Variants in KIF19 observed in about 807,000 individuals in gnomAD.
KIF19 encodes kinesin family member 19.
A neutral mutation model predicts 106.6 loss-of-function variants in KIF19; 98 were observed. That is an observed-to-expected ratio of 0.92 (90% CI 0.78 to 1.09). The LOEUF (loss-of-function observed/expected upper bound fraction) is 1.09, where lower values mean the gene tolerates loss of function less well. KIF19 is among the 50% of genes least tolerant of loss of function. The probability of loss-of-function intolerance (pLI) is 0.00; values close to 1 mark genes in which losing one functional copy is unlikely to be tolerated. For synonymous variants in KIF19, 516 were observed against 584.2 expected (o/e 0.88, Z 1.68); for missense variants, 1,373 against 1,414.3 (o/e 0.97, Z 0.47).
intron 9 of KIF19, 48 bp downstream of exon 9, chr17:74,347,947 A>G (rs748314468): frequency 7.1e-6 from 11 of 1,548,026 alleles, no homozygotes; most frequent in Non-Finnish European, 8.7e-6. Flanking sequence ...CTGGGCTGAG[A>G]TTCAAGCCCC....
chr17:74,339,370 C>G (rs979726505), intron 2 of KIF19, among the ~76,000 whole-genome samples: 2 of 151,888 alleles, frequency 1.3e-5, no homozygotes, highest in Admixed American at 1.3e-4. Context: ...CGTGATGATT[C>G]AAATTGAAGT....
Position 74,352,271 on chromosome 17 carries a change from G to T in KIF19, c.1911G>T (p.Leu637=). 6.2e-7 allele frequency: 1 copy of T among 1,612,880 alleles called. No individual in the cohort carries two copies. The highest frequency in any genetic ancestry group is 1.1e-5 in the South Asian group (1 of 91,042). Reference sequence around the variant, plus strand: ...TGGAAGAGCTCTACGAAGTGTACCTGCGGGAGCTGGAGGAGGGCAGCCTGG... The same window carrying T: ...TGGAAGAGCTCTACGAAGTGTACCTTCGGGAGCTGGAGGAGGGCAGCCTGG... ...QRLEELYEVY[L]RELEEGSLEQ... is the part of the protein sequence containing the mutation. Residue 637 remains leucine (L), a synonymous_variant, in exon 14 of 20, where the codon CTG becomes CTT. Transcript: ENST00000389916.
At chr17:74,343,615 G>A (rs1211320989) in intron 5 of KIF19, among the ~76,000 whole-genome samples, 1 of 152,234 alleles carries the variant, frequency 6.6e-6, no homozygotes, top group East Asian at 1.9e-4. Context: ...GGATGTCAGG[G>A]ACTGGGGAAG....
chr17:74,333,813 A>T (rs995141023), intron 2 of KIF19, among the ~76,000 whole-genome samples: 39 of 150,160 alleles, frequency 2.6e-4, no homozygotes, highest in Admixed American at 6.6e-5. Context: ...AAGTTCATTC[A>T]CATTATAGCT....
chr17:74,332,210 T>TTGTG lies in KIF19; in HGVS notation c.120+3737_120+3740dup, dbSNP rs71157056. On this transcript the variant is annotated intron_variant, in intron 2 of 19. Coordinates refer to ENST00000389916, the MANE Select transcript of KIF19 (RefSeq NM_153209.4). ...TGTGTGTGTGTGTGTGTGTGTGTGTTTGTGTGTGTGTGTGTGTGTGTGTGT... is the reference window on the plus strand; with the variant it reads ...TGTGTGTGTGTGTGTGTGTGTGTGTTTGTGTGTGTGTGTGTGTGTGTGTGTGTGT... 1.9e-3 allele frequency among the ~76,000 whole-genome samples: 204 copies of TTGTG among 108,836 alleles called. 5 individuals carry two copies. The highest frequency in any genetic ancestry group is 6.9e-3 in the African/African-American group (191 of 27,854). The allele number at this position is 108,836 out of a possible 152,430, so 71.4% of individuals were successfully genotyped here. A position where few individuals can be genotyped will look rare whatever the true frequency, so the allele number is the denominator to read the frequency against.
rs1303893513 is a variant in KIF19 at position 74,354,820 on chromosome 17, G to A, written c.2745G>A (p.Gln915=). ...HPKTHLLGPH[Q]AERISDHRMP... is the part of the protein sequence containing the mutation. ...AGACACACCTCCTGGGGCCCCATCA[G>A]GCGGAGCGCATCTCGGACCACAGGA... is the stretch of plus-strand genomic sequence containing the variant. Residue 915 remains glutamine (Q), a synonymous_variant, in exon 19 of 20, where the codon CAG becomes CAA. Transcript: ENST00000389916. The A allele has an allele frequency of 1.3e-6, 2 of 1,560,278 alleles. No homozygotes were observed. Among genetic ancestry groups the A allele is most frequent in the South Asian group, 2.4e-5 (2 of 84,484 alleles).
intron 2 of KIF19, among the ~76,000 whole-genome samples, chr17:74,333,984 C>T (rs912387048): frequency 4.0e-5 from 6 of 151,864 alleles, no homozygotes; most frequent in African/African-American, 1.4e-4. Flanking sequence ...CCACAGTGCC[C>T]AGTTGATTTT....
chr17:74,344,439 C>T (rs2054472747), intron 6 of KIF19, 91 bp downstream of exon 6: 6 of 1,526,832 alleles, frequency 3.9e-6, no homozygotes, highest in Non-Finnish European at 5.3e-6. Flanking sequence ...GGGAGCTGCT[C>T]CCCACTCGGC....
At chr17:74,350,995 T>C (rs574875992) in intron 12 of KIF19, 90 bp downstream of exon 12, 1 of 1,349,522 alleles carries the variant, frequency 7.4e-7, no homozygotes, top group African/African-American at 1.4e-5. Flanking sequence ...AGGGTGGGGG[T>C]AGCCGTGAGA....
In KIF19 at chr17:74,346,539, T is replaced by C; in HGVS notation, c.924+15T>C. On this transcript the variant is annotated intron_variant, in intron 8 of 19. Coordinates refer to ENST00000389916, the MANE Select transcript of KIF19 (RefSeq NM_153209.4). This position sits in a 1 kb window ranked among gnomAD's most constrained non-coding sequence, Gnocchi z 4.6. ...GGCTCCTGAAGGTACCAGCCACAGCTGGGCCTGGGCACTGGGCACCAAGGG... is the reference window on the plus strand; with the variant it reads ...GGCTCCTGAAGGTACCAGCCACAGCCGGGCCTGGGCACTGGGCACCAAGGG... The C allele has an allele frequency of 6.5e-7, 1 of 1,549,472 alleles. No homozygotes were observed. Among genetic ancestry groups the C allele is most frequent in the South Asian group, 1.2e-5 (1 of 84,034 alleles).
chr17:74,343,919 G>A lies in KIF19; in HGVS notation c.457-304G>A, dbSNP rs574416237. Among the ~76,000 whole-genome samples, 5 of 152,262 alleles carry A rather than the reference G, an allele frequency of 3.3e-5. No homozygotes were observed. In the South Asian group the frequency reaches 1.0e-3, roughly 32 times the overall value. On this transcript the variant is annotated intron_variant, in intron 5 of 19. Transcript: ENST00000389916. The stretch of plus-strand genomic sequence containing the variant: ...AATGTCACACAGTAAGTGAGGGAAT[G>A]GGGATTCACACTCAGGACCCTGCCC...
chr17:74,342,607 C>CT, intron 3 of KIF19, 23 bp from the exon 4 acceptor site: 1 of 1,603,350 alleles, frequency 6.2e-7, no homozygotes, highest in East Asian at 2.2e-5. Context: ...GTCCCGGCCC[C>CT]TGACAGGCTT....
At position 74,343,012 on chromosome 17, in the gene KIF19, G is replaced by C; in HGVS notation, c.320-12G>C. ...CCCCACCCCGGTCACCCTCCACCTT[G>C]TTCTGCCCCAGGCTGTGGGAAAACC... is the stretch of plus-strand genomic sequence containing the variant. On this transcript the variant is annotated splice_polypyrimidine_tract_variant and intron_variant, in intron 4 of 19. Coordinates refer to ENST00000389916, the MANE Select transcript of KIF19 (RefSeq NM_153209.4). 4 of 1,537,844 alleles carry C rather than the reference G, an allele frequency of 2.6e-6. No homozygotes were observed. The highest frequency in any genetic ancestry group is 3.6e-6 in the Non-Finnish European group (4 of 1,123,610).
Position 74,355,454 on chromosome 17 carries a change from A to T in KIF19, c.*142A>T. ...CAGGCCAGGGCTCCTGAGACCCAGG[A>T]ACTGGGGTCTCTGCCCAACCCTCCC... is the stretch of plus-strand genomic sequence containing the variant. On this transcript the variant is annotated 3_prime_UTR_variant, in exon 20 of 20. Coordinates refer to ENST00000389916, the MANE Select transcript of KIF19 (RefSeq NM_153209.4). 1.8e-6 allele frequency: 2 copies of T among 1,093,092 alleles called. No homozygotes were observed. Among genetic ancestry groups the T allele is most frequent in the Non-Finnish European group, 2.5e-6 (2 of 794,356 alleles). 67.7% of individuals were successfully genotyped at this position (1,093,092 alleles called of 1,614,324 possible). A position where few individuals can be genotyped will look rare whatever the true frequency, so the allele number is the denominator to read the frequency against.
At chr17:74,351,107 A>G (rs1598397143) in intron 12 of KIF19, 1 of 603,882 alleles carries the variant, frequency 1.7e-6, no homozygotes, top group Non-Finnish European at 3.0e-6. Flanking sequence ...TCCATGGTGC[A>G]GCCCTCATGG....
chr17:74,341,866 G>A lies in KIF19; in HGVS notation c.121-10G>A, dbSNP rs751438751. On this transcript the variant is annotated splice_polypyrimidine_tract_variant and intron_variant, in intron 2 of 19. Transcript: ENST00000389916. ...AGGTGACCGTGGGCCTCCCTCTGGG[G>A]ACCTTGCAGATGGTGGTTCTCATGG... is the stretch of plus-strand genomic sequence containing the variant. The A allele has an allele frequency of 2.0e-5, 32 of 1,609,040 alleles. No individual in the cohort carries two copies. Among genetic ancestry groups the A allele is most frequent in the Admixed American group, 8.3e-5 (5 of 59,988 alleles).
chr17:74,343,452 G>A (rs1049979266), intron 5 of KIF19, among the ~76,000 whole-genome samples: 31 of 152,234 alleles, frequency 2.0e-4, no homozygotes, highest in Non-Finnish European at 2.4e-4. Context: ...AGCAGACCCT[G>A]TCTGCCCTGC....
At position 74,355,219 on chromosome 17, in the gene KIF19, C is replaced by T. The variant is rs2054847644; in HGVS notation, c.2904C>T (p.Asn968=). The T allele has an allele frequency of 6.2e-7, 1 of 1,612,482 alleles. No individual in the cohort carries two copies. The highest frequency in any genetic ancestry group is 2.2e-5 in the East Asian group (1 of 44,856). The change falls in exon 20 of 20, where the codon AAC becomes AAT. Residue 968 remains asparagine (N), a synonymous_variant. Transcript: ENST00000389916. Reference sequence around the variant, plus strand: ...CCTCACCCCTGGCTGTTCCCCCCAACCCAGGTGGTGGTTCTCGACGGGCTA... The same window carrying T: ...CCTCACCCCTGGCTGTTCCCCCCAATCCAGGTGGTGGTTCTCGACGGGCTA... ...GDSSPLAVPP[N]PGGGSRRATR... is the part of the protein sequence containing the mutation.
intron 16 of KIF19, 45 bp from the exon 17 acceptor site, chr17:74,353,449 T>G (rs1381068041): frequency 6.4e-7 from 1 of 1,571,676 alleles, no homozygotes; most frequent in Non-Finnish European, 8.7e-7. Flanking sequence ...ATGGGGTCCC[T>G]GCTGTGTTTA....
Sources: allele counts gnomAD v4.1 joint callset (sites outside exome capture counted in the v4.1 genomes callset), GRCh38; gene constraint gnomAD v4.1.1; non-coding constraint Gnocchi (gnomAD v3.1); transcripts MANE v1.5; gene names NCBI Gene and HGNC (gene_info 2026-07-23, HGNC 2026-07-21).